SEMA6D: variants seen among roughly 807,000 people sequenced by gnomAD.
The protein encoded by SEMA6D is semaphorin-6D.
In SEMA6D, 35 loss-of-function variants were observed where a neutral mutation model predicts 106.6. That is an observed-to-expected ratio of 0.33 (90% CI 0.25 to 0.44). The LOEUF (loss-of-function observed/expected upper bound fraction) is 0.44. SEMA6D is among the 20% of genes least tolerant of loss of function. The probability of loss-of-function intolerance (pLI) is 1.00; values close to 1 mark genes in which losing one functional copy is unlikely to be tolerated. For synonymous variants in SEMA6D, 499 were observed against 487.7 expected, an observed-to-expected ratio of 1.02 and a Z score of -0.31; for missense variants, 1,185 against 1,345.9, an observed-to-expected ratio of 0.88 and a Z score of 1.87.
At chr15:47,327,679 C>G (rs920839481) in intron 1 of SEMA6D, among the ~76,000 whole-genome samples, 6 of 152,178 alleles carry the variant, frequency 3.9e-5, no homozygotes, top group Admixed American at 6.5e-5. Context: ...GCTGAGAACT[C>G]CTTTCCTCAT....
At chr15:47,448,002 A>G (rs1461587725) in intron 2 of SEMA6D, among the ~76,000 whole-genome samples, 1 of 152,172 alleles carries the variant, frequency 6.6e-6, no homozygotes, top group Non-Finnish European at 1.5e-5. Flanking sequence ...GTACAACATC[A>G]GAGGAAAAGC....
intron 1 of SEMA6D, among the ~76,000 whole-genome samples, chr15:47,342,006 GT>G (rs11335489): frequency 0.52 from 76,718 of 147,370 alleles, 22,525 homozygotes; most frequent in African/African-American, 0.82. Flanking sequence ...TTTACCCTGT[GT>G]TTTTTTTTTT....
At chr15:47,531,091 G>A (rs2044945473) in intron 3 of SEMA6D, among the ~76,000 whole-genome samples, 1 of 152,094 alleles carries the variant, frequency 6.6e-6, no homozygotes, top group Admixed American at 6.6e-5. Flanking sequence ...TATCCAATTT[G>A]CCTTTAATGT....
intron 1 of SEMA6D, among the ~76,000 whole-genome samples, chr15:47,727,438 A>C (rs923226688): frequency 6.6e-6 from 1 of 152,188 alleles, no homozygotes. Flanking sequence ...CTCCTCAAAC[A>C]TCAGTGTGCC....
chr15:47,595,791 T>C (rs149196433), intron 3 of SEMA6D, among the ~76,000 whole-genome samples: 23 of 152,256 alleles, frequency 1.5e-4, no homozygotes, highest in Non-Finnish European at 3.2e-4. Flanking sequence ...TTTTTCTTGA[T>C]TCAGTGTTGC....
chr15:47,472,807 G>T (rs111584830), intron 3 of SEMA6D, among the ~76,000 whole-genome samples: 2,368 of 152,276 alleles, frequency 0.016, 45 homozygotes, highest in African/African-American at 0.036. Flanking sequence ...TTTGATTTTT[G>T]GAACTGGATT....
At chr15:47,475,632 C>T (rs141754307) in intron 3 of SEMA6D, among the ~76,000 whole-genome samples, 1 of 152,202 alleles carries the variant, frequency 6.6e-6, no homozygotes, top group Non-Finnish European at 1.5e-5. Flanking sequence ...GCGCAGAGTT[C>T]AGTAGAGGAA....
chr15:47,649,843 G>T (rs1028296952), intron 4 of SEMA6D, among the ~76,000 whole-genome samples: 11 of 152,204 alleles, frequency 7.2e-5, no homozygotes, highest in Non-Finnish European at 5.9e-5. Context: ...AAAATGAAAA[G>T]TGAGGGCTAA....
At chr15:47,629,226 A>G (rs1179927384) in intron 4 of SEMA6D, among the ~76,000 whole-genome samples, 1 of 151,988 alleles carries the variant, frequency 6.6e-6, no homozygotes, top group Non-Finnish European at 1.5e-5. Context: ...CCACCTTATT[A>G]TGCTTTTTCA....
chr15:47,735,386 AT>A (rs1327772169), intron 1 of SEMA6D, among the ~76,000 whole-genome samples: 4 of 152,222 alleles, frequency 2.6e-5, no homozygotes, highest in Non-Finnish European at 5.9e-5. Context: ...GTCTGTATTT[AT>A]TCAGTGTGGG....
At chr15:47,357,752 T>C (rs2038642512) in intron 1 of SEMA6D, among the ~76,000 whole-genome samples, 1 of 152,176 alleles carries the variant, frequency 6.6e-6, no homozygotes, top group Non-Finnish European at 1.5e-5. Context: ...GGCAACACCC[T>C]CACAGACACA....
chr15:47,730,514 A>G, intron 1 of SEMA6D: 1 of 1,281,508 alleles, frequency 7.8e-7, no homozygotes, highest in Non-Finnish European at 1.1e-6. Flanking sequence ...CAAGGTGGTG[A>G]CGGTGTCAAC....
chr15:47,693,687 C>T (rs2145801126), intron 4 of SEMA6D, among the ~76,000 whole-genome samples: 1 of 152,252 alleles, frequency 6.6e-6, no homozygotes, highest in African/African-American at 2.4e-5. Context: ...GTAATCCCAA[C>T]ACTTCGGGAG....
chr15:47,496,890 T>C (rs1163896413), intron 3 of SEMA6D, among the ~76,000 whole-genome samples: 3 of 152,018 alleles, frequency 2.0e-5, no homozygotes, highest in Non-Finnish European at 4.4e-5. Context: ...GAGAAAGCCT[T>C]CAAAAATGAA....
chr15:47,457,399 T>C (rs1236891227), intron 2 of SEMA6D, among the ~76,000 whole-genome samples: 1 of 151,842 alleles, frequency 6.6e-6, no homozygotes, highest in Non-Finnish European at 1.5e-5. Flanking sequence ...AAAACACAGA[T>C]GAAAGTATCA....
At chr15:47,329,081 G>T (rs749429529) in intron 1 of SEMA6D, among the ~76,000 whole-genome samples, 7 of 152,186 alleles carry the variant, frequency 4.6e-5, no homozygotes, top group East Asian at 1.9e-4. Flanking sequence ...CTTAAAATGT[G>T]CCTGACATGG....
chr15:47,447,556 C>T (rs1356312446), intron 2 of SEMA6D, among the ~76,000 whole-genome samples: 1 of 152,140 alleles, frequency 6.6e-6, no homozygotes, highest in African/African-American at 2.4e-5. Context: ...TCCACAGGGG[C>T]AGAAGCTCTT....
chr15:47,739,891 C>T (rs1314789954), intron 1 of SEMA6D, among the ~76,000 whole-genome samples: 1 of 152,170 alleles, frequency 6.6e-6, no homozygotes, highest in Non-Finnish European at 1.5e-5. Context: ...ATAGCTAATA[C>T]TAATTGTACT....
chr15:47,337,085 AG>A (rs780892805), intron 1 of SEMA6D, among the ~76,000 whole-genome samples: 1 of 152,118 alleles, frequency 6.6e-6, no homozygotes, highest in Non-Finnish European at 1.5e-5. Flanking sequence ...AGGAAGTTTG[AG>A]GGGTGCATCA....
Sources: allele counts gnomAD v4.1 joint callset (sites outside exome capture counted in the v4.1 genomes callset), GRCh38; gene constraint gnomAD v4.1.1; transcripts MANE v1.5; gene names NCBI Gene and HGNC (gene_info 2026-07-23, HGNC 2026-07-21).